INPP4B: variants seen among roughly 807,000 people sequenced by gnomAD.
INPP4B encodes inositol polyphosphate-4-phosphatase type II B, also known as inositol polyphosphate 4-phosphatase type II.
INPP4B carries 55 observed loss-of-function variants against 122.5 expected under a neutral mutation model. The observed-to-expected ratio is 0.45, with a 90% CI of 0.36 to 0.56. The LOEUF is 0.56. INPP4B is among the 20% of genes least tolerant of loss of function. INPP4B has a pLI of 0.00. For missense variants in INPP4B, 1,000 were observed against 1,097.7 expected (o/e 0.91, Z 1.26); for synonymous variants, 403 against 388.7 (o/e 1.04, Z -0.43).
chr4:142,348,494 C>T (rs952607527), intron 7 of INPP4B, among the ~76,000 whole-genome samples: 2 of 152,004 alleles, frequency 1.3e-5, no homozygotes, highest in Non-Finnish European at 2.9e-5. Context: ...TCCAATTCTC[C>T]CCAGATATAG....
chr4:142,605,788 T>C (rs1049818224), intron 2 of INPP4B, among the ~76,000 whole-genome samples: 1 of 151,916 alleles, frequency 6.6e-6, no homozygotes, highest in African/African-American at 2.4e-5. Flanking sequence ...AGAAAACTTA[T>C]ATACTGCTGG....
intron 5 of INPP4B, among the ~76,000 whole-genome samples, chr4:142,413,962 T>C (rs1448664635): frequency 1.3e-5 from 2 of 152,066 alleles, no homozygotes; most frequent in Non-Finnish European, 2.9e-5. Context: ...ATGAATCTAA[T>C]ACCATGGGGA....
intron 2 of INPP4B, among the ~76,000 whole-genome samples, chr4:142,702,421 T>G (rs74658353): frequency 6.6e-6 from 1 of 152,260 alleles, no homozygotes; most frequent in African/African-American, 2.4e-5. Context: ...CACTAGATTA[T>G]GATTTAAAGC....
chr4:142,407,470 C>T (rs1803676476), intron 5 of INPP4B, among the ~76,000 whole-genome samples: 1 of 152,072 alleles, frequency 6.6e-6, no homozygotes, highest in Non-Finnish European at 1.5e-5. Context: ...AGACTCTCAC[C>T]CTCGTTCCCC....
intron 18 of INPP4B, among the ~76,000 whole-genome samples, chr4:142,138,099 C>T (rs972394013): frequency 1.3e-4 from 20 of 151,024 alleles, no homozygotes; most frequent in African/African-American, 2.7e-4. Context: ...ATGTTTATTG[C>T]GGCACTATTC....
chr4:142,276,955 A>C (rs1479961306), intron 9 of INPP4B, among the ~76,000 whole-genome samples: 3 of 151,942 alleles, frequency 2.0e-5, no homozygotes, highest in Non-Finnish European at 4.4e-5. Context: ...GCAAGGTGAG[A>C]AAACAAGGTT....
chr4:142,466,958 T>C (rs940103939), intron 2 of INPP4B, among the ~76,000 whole-genome samples: 19 of 152,212 alleles, frequency 1.2e-4, no homozygotes, highest in Admixed American at 6.5e-5. Context: ...GTGTTAAGCC[T>C]GCAGGTGCAC....
intron 2 of INPP4B, among the ~76,000 whole-genome samples, chr4:142,557,784 C>T (rs771480340): frequency 5.9e-5 from 9 of 152,230 alleles, no homozygotes; most frequent in Non-Finnish European, 1.2e-4. Flanking sequence ...ATTGAGCCCC[C>T]TAAAATAGGT....
chr4:142,809,890 C>T (rs1452776627), intron 1 of INPP4B, among the ~76,000 whole-genome samples: 1 of 151,936 alleles, frequency 6.6e-6, no homozygotes, highest in Admixed American at 6.6e-5. Flanking sequence ...TTATCATGGG[C>T]CAGGCACGGT....
intron 5 of INPP4B, among the ~76,000 whole-genome samples, chr4:142,428,131 G>T (rs1808505707): frequency 6.6e-6 from 1 of 150,910 alleles, no homozygotes; most frequent in Admixed American, 6.6e-5. Context: ...GTCTCAATAA[G>T]TCATATTTTA....
chr4:142,737,642 C>A (rs902564944), intron 1 of INPP4B, among the ~76,000 whole-genome samples: 8 of 152,108 alleles, frequency 5.3e-5, no homozygotes, highest in Non-Finnish European at 1.0e-4. Flanking sequence ...AGCTTCTGCA[C>A]AGCAAAAGAA....
intron 3 of INPP4B, among the ~76,000 whole-genome samples, chr4:142,431,872 G>A (rs1164677559): frequency 6.6e-6 from 1 of 152,070 alleles, no homozygotes; most frequent in Non-Finnish European, 1.5e-5. Flanking sequence ...CTTCCAAGAT[G>A]AGCCAACAGG....
intron 15 of INPP4B, among the ~76,000 whole-genome samples, chr4:142,175,662 C>T (rs1483838733): frequency 1.3e-5 from 2 of 151,902 alleles, no homozygotes; most frequent in African/African-American, 4.8e-5. Flanking sequence ...AAACAGTAGT[C>T]CTAGCCAATT....
At chr4:142,754,760 A>G (rs1027531054) in intron 1 of INPP4B, among the ~76,000 whole-genome samples, 1 of 151,868 alleles carries the variant, frequency 6.6e-6, no homozygotes, top group Non-Finnish European at 1.5e-5. Flanking sequence ...AATTTATTAA[A>G]TATGATGAGG....
At chr4:142,732,708 T>C (rs1005353194) in intron 1 of INPP4B, among the ~76,000 whole-genome samples, 3 of 152,156 alleles carry the variant, frequency 2.0e-5, no homozygotes, top group Non-Finnish European at 2.9e-5. Context: ...TGGAGAGAGA[T>C]GCATCATGCT....
chr4:142,720,789 C>CTATA (rs1764493262), intron 2 of INPP4B, among the ~76,000 whole-genome samples: 2 of 22,282 alleles, frequency 9.0e-5, no homozygotes, highest in African/African-American at 2.9e-4. Flanking sequence ...CTCTCTCTCT[C>CTATA]TCTCTCTCTC....
intron 5 of INPP4B, among the ~76,000 whole-genome samples, chr4:142,411,583 T>A (rs1579987300): frequency 6.6e-6 from 1 of 151,986 alleles, no homozygotes; most frequent in Admixed American, 6.6e-5. Context: ...CATCCTAGAA[T>A]AGAAAAGTGG....
chr4:142,121,073 G>A (rs1256728542), intron 21 of INPP4B, among the ~76,000 whole-genome samples: 1 of 152,062 alleles, frequency 6.6e-6, no homozygotes, highest in Admixed American at 6.6e-5. Flanking sequence ...TGTGATATAA[G>A]TGTTAGTGTT....
At chr4:142,623,717 C>A (rs529084768) in intron 2 of INPP4B, among the ~76,000 whole-genome samples, 1 of 150,812 alleles carries the variant, frequency 6.6e-6, no homozygotes, top group Non-Finnish European at 1.5e-5. Flanking sequence ...ATCCCTCCCC[C>A]CTCACCCCAC....
Sources: allele counts gnomAD v4.1 joint callset (sites outside exome capture counted in the v4.1 genomes callset), GRCh38; gene constraint gnomAD v4.1.1; transcripts MANE v1.5; gene names NCBI Gene and HGNC (gene_info 2026-07-23, HGNC 2026-07-21).